ARHGAP24: variants seen among roughly 807,000 people sequenced by gnomAD.
ARHGAP24 encodes the protein Rho GTPase activating protein 24.
ARHGAP24 carries 50 observed loss-of-function variants against 76.4 expected under a neutral mutation model. The observed-to-expected ratio is 0.65, with a 90% confidence interval of 0.52 to 0.83. The LOEUF (loss-of-function observed/expected upper bound fraction) is 0.83, where lower values mean the gene tolerates loss of function less well. ARHGAP24 is among the 40% of genes least tolerant of loss of function. The pLI, the probability that ARHGAP24 is intolerant of heterozygous loss-of-function variation, is 0.00. For synonymous variants in ARHGAP24, 345 were observed against 323.3 expected (o/e 1.07, Z -0.72); for missense variants, 930 against 914.2 (o/e 1.02, Z -0.22).
chr4:85,783,673 A>G (rs1727667256), intron 3 of ARHGAP24, among the ~76,000 whole-genome samples: 1 of 152,164 alleles, frequency 6.6e-6, no homozygotes, highest in Admixed American at 6.5e-5. Flanking sequence ...GAAAATCCCC[A>G]GGGAGTGGAA....
intron 3 of ARHGAP24, among the ~76,000 whole-genome samples, chr4:85,722,732 G>C (rs1398100604): frequency 6.6e-6 from 1 of 152,130 alleles, no homozygotes; most frequent in East Asian, 1.9e-4. Context: ...GTAAGAAAAA[G>C]GGAGGTAGGA....
chr4:85,975,232 G>A (rs1739253652), intron 7 of ARHGAP24, among the ~76,000 whole-genome samples: 1 of 152,184 alleles, frequency 6.6e-6, no homozygotes, highest in African/African-American at 2.4e-5. Context: ...TACTGTTTCA[G>A]AAGTGGTATT....
At chr4:85,677,254 G>C (rs1217549184) in intron 2 of ARHGAP24, among the ~76,000 whole-genome samples, 1 of 152,098 alleles carries the variant, frequency 6.6e-6, no homozygotes, top group Admixed American at 6.6e-5. Context: ...CCATTTATAT[G>C]TTATGTTTAT....
At chr4:85,719,818 A>G (rs1214854993) in intron 2 of ARHGAP24, among the ~76,000 whole-genome samples, 1 of 152,188 alleles carries the variant, frequency 6.6e-6, no homozygotes, top group Non-Finnish European at 1.5e-5. Flanking sequence ...ATAACTACAT[A>G]CAATGGTAAA....
chr4:85,995,174 G>A lies in ARHGAP24; in HGVS notation c.1520G>A (p.Gly507Asp), dbSNP rs1740584707. ...CGAAACATGAGCTGGCTGCCAAATG[G>A]CTATGTGACCCTGAGGGATAACAAG... ...NVRNMSWLPN[G>D]YVTLRDNKQK... is the part of the protein sequence containing the mutation. Residue 507 changes from glycine (G) to aspartate (D), a missense_variant, in exon 9 of 10, where the codon GGC becomes GAC. Transcript: ENST00000395184. The A allele has an allele frequency of 6.2e-7, 1 of 1,614,000 alleles. No individual in the cohort carries two copies. Among genetic ancestry groups the A allele is most frequent in the Non-Finnish European group, 8.5e-7 (1 of 1,180,016 alleles).
At chr4:85,725,210 A>G (rs902184311) in intron 3 of ARHGAP24, among the ~76,000 whole-genome samples, 31 of 152,206 alleles carry the variant, frequency 2.0e-4, no homozygotes, top group African/African-American at 7.2e-4. Context: ...GACTATATGT[A>G]TCTCCATATA....
At chr4:85,968,939 G>A (rs1031900109) in intron 5 of ARHGAP24, among the ~76,000 whole-genome samples, 5 of 151,996 alleles carry the variant, frequency 3.3e-5, no homozygotes, top group African/African-American at 1.2e-4. Flanking sequence ...ATAATTAGCT[G>A]TGTGCATATA....
At chr4:85,726,842 G>A (rs1407932557) in intron 3 of ARHGAP24, among the ~76,000 whole-genome samples, 2 of 152,160 alleles carry the variant, frequency 1.3e-5, no homozygotes, top group African/African-American at 4.8e-5. Flanking sequence ...CGACAGATCT[G>A]AGGCACAGAG....
chr4:85,700,349 T>C (rs1189784910), intron 2 of ARHGAP24, among the ~76,000 whole-genome samples: 2 of 146,364 alleles, frequency 1.4e-5, no homozygotes, highest in Non-Finnish European at 3.0e-5. Flanking sequence ...TGAGCCAAGA[T>C]CATGCCACTG....
At chr4:85,904,591 AT>A (rs1252765666) in intron 3 of ARHGAP24, among the ~76,000 whole-genome samples, 1 of 152,240 alleles carries the variant, frequency 6.6e-6, no homozygotes, top group Admixed American at 6.5e-5. Flanking sequence ...TTTTAATGCA[AT>A]ATAATGCTTT....
At chr4:85,721,458 A>C (rs1368768065) in intron 2 of ARHGAP24, among the ~76,000 whole-genome samples, 1 of 152,056 alleles carries the variant, frequency 6.6e-6, no homozygotes, top group Non-Finnish European at 1.5e-5. Context: ...GAGAAGAGAG[A>C]AGAGATAATC....
At chr4:85,760,202 C>T (rs1726683811) in intron 3 of ARHGAP24, among the ~76,000 whole-genome samples, 1 of 152,072 alleles carries the variant, frequency 6.6e-6, no homozygotes, top group African/African-American at 2.4e-5. Flanking sequence ...AAACATTGGC[C>T]TAACTGAAAC....
intron 2 of ARHGAP24, among the ~76,000 whole-genome samples, chr4:85,684,038 T>C (rs934161807): frequency 6.6e-6 from 1 of 152,232 alleles, no homozygotes; most frequent in Non-Finnish European, 1.5e-5. Context: ...CTATTGTGAA[T>C]AGCACTGCAA....
At chr4:85,976,336 G>T (rs548230118) in intron 7 of ARHGAP24, among the ~76,000 whole-genome samples, 2 of 152,080 alleles carry the variant, frequency 1.3e-5, no homozygotes, top group South Asian at 4.1e-4. Flanking sequence ...TACGGCCTCT[G>T]GTGTCACATC....
chr4:85,710,656 A>G (rs978896849), intron 2 of ARHGAP24, among the ~76,000 whole-genome samples: 2 of 152,202 alleles, frequency 1.3e-5, no homozygotes, highest in Non-Finnish European at 2.9e-5. Context: ...GACAAATGGC[A>G]TGACCACTTT....
In ARHGAP24 at chr4:85,755,637, T is replaced by TTTG. The variant is rs1319301605; in HGVS notation, c.268+33667_268+33668insGTT. ...GCTTCTATTCTTTTGTTTTGTTTTG[T>TTTG]TTTGTTTTGTTTTGAGACGGAGTCT... On this transcript the variant is annotated intron_variant, in intron 3 of 9. Transcript: ENST00000395184. 3.8e-4 allele frequency among the ~76,000 whole-genome samples: 25 copies of TTTG among 65,244 alleles called. 1 individual carries two copies. The highest frequency in any genetic ancestry group is 4.9e-4 in the African/African-American group (11 of 22,224). The allele number at this position is 65,244 out of a possible 152,430, so 42.8% of individuals were successfully genotyped here.
At chr4:85,988,094 T>TA (rs1425257526) in intron 8 of ARHGAP24, among the ~76,000 whole-genome samples, 1 of 151,862 alleles carries the variant, frequency 6.6e-6, no homozygotes, top group Non-Finnish European at 1.5e-5. Context: ...TTTTCAAATA[T>TA]AAAAAGGAGC....
chr4:85,680,589 A>T (rs1026874), intron 2 of ARHGAP24, among the ~76,000 whole-genome samples: 126,181 of 151,966 alleles, frequency 0.83, 52,941 homozygotes, highest in East Asian at 0.95. Flanking sequence ...GCACCTGTAG[A>T]GTGTGAGATA....
At chr4:85,779,473 G>A (rs1228781980) in intron 3 of ARHGAP24, among the ~76,000 whole-genome samples, 1 of 152,172 alleles carries the variant, frequency 6.6e-6, no homozygotes, top group Non-Finnish European at 1.5e-5. Flanking sequence ...CAGCTTGGTA[G>A]ATCTGACCTG....
Sources: gnomAD v4.1 joint callset for allele counts (sites outside exome capture counted in the v4.1 genomes callset) on GRCh38, gnomAD v4.1.1 for gene constraint, MANE v1.5 for transcripts, NCBI Gene and HGNC (gene_info 2026-07-23, HGNC 2026-07-21) for gene names.